CLDN16: variants seen among roughly 807,000 people sequenced by gnomAD.
CLDN16 encodes claudin 16, also known as claudin-16.
CLDN16 carries 13 observed loss-of-function variants against 24.6 expected under a neutral mutation model. That is an observed-to-expected ratio of 0.53 (90% CI 0.34 to 0.84). The LOEUF (loss-of-function observed/expected upper bound fraction) is 0.84. CLDN16 is among the 40% of genes least tolerant of loss of function. CLDN16 has a pLI of 0.01. For synonymous variants in CLDN16, 116 were observed against 106.7 expected (o/e 1.09, Z -0.54); for missense variants, 298 against 292.7 (o/e 1.02, Z -0.13).
At chr3:190,401,872 T>C (rs1718970457) in intron 1 of CLDN16, among the ~76,000 whole-genome samples, 2 of 152,018 alleles carry the variant, frequency 1.3e-5, no homozygotes, top group Admixed American at 6.6e-5. Flanking sequence ...ATATTTTTCT[T>C]CATGGAACTC....
chr3:190,403,530 A>G (rs1028296900), intron 2 of CLDN16, among the ~76,000 whole-genome samples: 5 of 152,178 alleles, frequency 3.3e-5, no homozygotes, highest in Non-Finnish European at 5.9e-5. Context: ...AAGTGGTTTT[A>G]GTCTCTTTCA....
chr3:190,396,568 C>T (rs1029348131), intron 1 of CLDN16, among the ~76,000 whole-genome samples: 1 of 152,122 alleles, frequency 6.6e-6, no homozygotes, highest in Admixed American at 6.6e-5. Context: ...AGCCAGCTGC[C>T]ATGTTTGTCT....
intron 1 of CLDN16, among the ~76,000 whole-genome samples, chr3:190,394,019 C>T (rs193189652): frequency 1.3e-5 from 2 of 152,094 alleles, no homozygotes; most frequent in Admixed American, 6.5e-5. Context: ...TCCCAAAGTG[C>T]TGGGATTACA....
intron 1 of CLDN16, among the ~76,000 whole-genome samples, chr3:190,365,293 T>C (rs894305455): frequency 6.6e-6 from 1 of 151,758 alleles, no homozygotes; most frequent in African/African-American, 2.4e-5. Context: ...CTGCCGTCAG[T>C]CCTGGCCTTC....
intron 3 of CLDN16, among the ~76,000 whole-genome samples, chr3:190,381,764 G>T (rs749638056): frequency 6.6e-5 from 10 of 152,074 alleles, no homozygotes; most frequent in Non-Finnish European, 1.2e-4. Flanking sequence ...GGGAAGGTTG[G>T]CATGAGTGCA....
At chr3:190,297,625 A>ATATATATCTATAATATCTAT in the CLDN16 span, among the ~76,000 whole-genome samples, 1 of 111,686 alleles carries the variant, frequency 9.0e-6, no homozygotes, top group Non-Finnish European at 2.0e-5. Context: ...CTATAATATA[A>ATATATATCTATAATATCTAT]TATATAATAT....
intron 1 of CLDN16, among the ~76,000 whole-genome samples, chr3:190,398,739 T>C (rs946844419): frequency 3.9e-5 from 6 of 152,198 alleles, no homozygotes; most frequent in Non-Finnish European, 8.8e-5. Context: ...TCATTTATAT[T>C]GCGTGTGTAT....
At chr3:190,407,615 C>T (rs559993778) in intron 3 of CLDN16, among the ~76,000 whole-genome samples, 3 of 152,220 alleles carry the variant, frequency 2.0e-5, no homozygotes, top group Admixed American at 6.5e-5. Context: ...ACACTAGTGG[C>T]GTCATTTCAA....
At chr3:190,317,974 A>G (rs1716814699), upstream of CLDN16, among the ~76,000 whole-genome samples, 1 of 152,214 alleles carries the variant, frequency 6.6e-6, no homozygotes, top group Non-Finnish European at 1.5e-5. Context: ...GAACAAAAAT[A>G]TTGTGCTTCC....
chr3:190,295,406 T>A, the CLDN16 span, among the ~76,000 whole-genome samples: 1 of 152,320 alleles, frequency 6.6e-6, no homozygotes, highest in Admixed American at 6.5e-5. Context: ...AAAGGATTAA[T>A]CCTAACCTTT....
chr3:190,350,927 A>G (rs1419124665), intron 1 of CLDN16, among the ~76,000 whole-genome samples: 1 of 152,098 alleles, frequency 6.6e-6, no homozygotes, highest in East Asian at 1.9e-4. Context: ...GGTCTGTGAT[A>G]TGGTTTGGAG....
At chr3:190,360,221 G>A (rs1717859249) in intron 1 of CLDN16, among the ~76,000 whole-genome samples, 1 of 152,000 alleles carries the variant, frequency 6.6e-6, no homozygotes, top group African/African-American at 2.4e-5. Context: ...CTCTAAAATA[G>A]TATAAACTGT....
intron 2 of CLDN16, among the ~76,000 whole-genome samples, chr3:190,373,060 C>T (rs1349793988): frequency 6.6e-6 from 1 of 151,990 alleles, no homozygotes; most frequent in Non-Finnish European, 1.5e-5. Flanking sequence ...CTGACATAGC[C>T]TACCTGCTCT....
chr3:190,321,301 C>A (rs1204828180), upstream of CLDN16, among the ~76,000 whole-genome samples: 2 of 152,140 alleles, frequency 1.3e-5, no homozygotes, highest in Non-Finnish European at 2.9e-5. Context: ...TCCAAGATAG[C>A]ACTACACCGT....
chr3:190,332,449 A>C (rs2108623851), intron 1 of CLDN16, among the ~76,000 whole-genome samples: 1 of 152,280 alleles, frequency 6.6e-6, no homozygotes, highest in African/African-American at 2.4e-5. Flanking sequence ...TAACACCTTA[A>C]GTAGGAGTGT....
chr3:190,372,227 C>T (rs575048191), intron 2 of CLDN16, among the ~76,000 whole-genome samples: 3 of 152,006 alleles, frequency 2.0e-5, no homozygotes, highest in Non-Finnish European at 4.4e-5. Context: ...GAGGGAGACA[C>T]CACTGTCAGC....
intron 1 of CLDN16, among the ~76,000 whole-genome samples, chr3:190,367,328 T>C (rs1378552986): frequency 2.0e-5 from 3 of 151,964 alleles, no homozygotes; most frequent in African/African-American, 4.8e-5. Flanking sequence ...ACCTTTTAGA[T>C]AGTTGATACT....
At chr3:190,325,768 T>TA (rs1234383754) in intron 1 of CLDN16, among the ~76,000 whole-genome samples, 1 of 152,196 alleles carries the variant, frequency 6.6e-6, no homozygotes, top group African/African-American at 2.4e-5. Context: ...TTGCTTAGTG[T>TA]TAATATATGT....
At chr3:190,355,398 T>C (rs1028576491) in intron 1 of CLDN16, among the ~76,000 whole-genome samples, 1 of 151,952 alleles carries the variant, frequency 6.6e-6, no homozygotes, top group Non-Finnish European at 1.5e-5. Flanking sequence ...AGTCCTCTTC[T>C]TTTCTCTTCA....
Sources: gnomAD v4.1 joint callset for allele counts (sites outside exome capture counted in the v4.1 genomes callset) on GRCh38, gnomAD v4.1.1 for gene constraint, MANE v1.5 for transcripts, NCBI Gene and HGNC (gene_info 2026-07-23, HGNC 2026-07-21) for gene names.